Variants in PLA2G4A observed in about 807,000 individuals in gnomAD.
PLA2G4A encodes phospholipase A2 group IVA.
In PLA2G4A, 40 loss-of-function variants were observed where a neutral mutation model predicts 81.9. The ratio of observed to expected loss-of-function variants is 0.49; its 90% CI spans 0.38 to 0.64. The LOEUF is 0.64. PLA2G4A is among the 30% of genes least tolerant of loss of function. The pLI, the probability that PLA2G4A is intolerant of heterozygous loss-of-function variation, is 0.00. For synonymous variants in PLA2G4A, 302 were observed against 296.9 expected, an observed-to-expected ratio of 1.02 and a Z score of -0.18; for missense variants, 715 against 905.1, an observed-to-expected ratio of 0.79 and a Z score of 2.69.
In PLA2G4A at chr1:186,915,516, T is replaced by A. The variant is rs1655106082; in HGVS notation, c.558+4127T>A. Among the ~76,000 whole-genome samples, 9 of 152,308 alleles carry A rather than the reference T, an allele frequency of 5.9e-5. No homozygotes were observed. The South Asian group carries it at 1.9e-3, about 32-fold the overall frequency. ...TTATCTTTCTAATTTTTTATAGCTA[T>A]GCTTCTCTTTTCACGGAAAGCATAG... On this transcript the variant is annotated intron_variant, in intron 7 of 17. Coordinates refer to ENST00000367466, the MANE Select transcript of PLA2G4A (RefSeq NM_024420.3).
chr1:186,968,604 T>C (rs543524626), intron 15 of PLA2G4A, among the ~76,000 whole-genome samples: 43 of 151,950 alleles, frequency 2.8e-4, no homozygotes, highest in African/African-American at 9.1e-4. Flanking sequence ...TAAAAATATA[T>C]ACTATCTCTG....
intron 7 of PLA2G4A, among the ~76,000 whole-genome samples, chr1:186,924,556 C>T (rs1048681831): frequency 1.3e-5 from 2 of 152,084 alleles, no homozygotes; most frequent in African/African-American, 4.8e-5. Flanking sequence ...CCTAGGTCCT[C>T]TTTCTCCTCA....
intron 2 of PLA2G4A, among the ~76,000 whole-genome samples, chr1:186,860,367 G>C (rs1190701391): frequency 6.6e-6 from 1 of 152,128 alleles, no homozygotes; most frequent in Non-Finnish European, 1.5e-5. Context: ...CTGAGAACCA[G>C]GGGAGCTGAT....
chr1:186,908,956 T>C (rs1654835837), intron 6 of PLA2G4A, among the ~76,000 whole-genome samples: 1 of 138,124 alleles, frequency 7.2e-6, no homozygotes, highest in Non-Finnish European at 1.5e-5. Context: ...AGATTTTAAT[T>C]TCTTTTCTTT....
At chr1:186,938,318 A>C (rs1384405317) in intron 8 of PLA2G4A, among the ~76,000 whole-genome samples, 2 of 152,130 alleles carry the variant, frequency 1.3e-5, no homozygotes, top group Non-Finnish European at 2.9e-5. Context: ...TCTAGATATC[A>C]AATATCAAGG....
At chr1:186,864,628 A>G (rs1652945568) in intron 2 of PLA2G4A, among the ~76,000 whole-genome samples, 1 of 148,132 alleles carries the variant, frequency 6.8e-6, no homozygotes. Context: ...TAAGTCTTTT[A>G]CTTGTTTTAA....
chr1:186,889,532 G>A (rs767836948), intron 3 of PLA2G4A, among the ~76,000 whole-genome samples: 30 of 152,232 alleles, frequency 2.0e-4, no homozygotes, highest in African/African-American at 4.6e-4. Flanking sequence ...AGATCCTCCC[G>A]TTTTATAATA....
At chr1:186,922,221 C>G (rs571714685) in intron 7 of PLA2G4A, among the ~76,000 whole-genome samples, 130 of 152,240 alleles carry the variant, frequency 8.5e-4, no homozygotes, top group African/African-American at 3.0e-3. Context: ...ACAGTTTACA[C>G]CAAACCAGAA....
intron 1 of PLA2G4A, among the ~76,000 whole-genome samples, chr1:186,837,618 T>C (rs1340245794): frequency 1.3e-5 from 2 of 148,600 alleles, no homozygotes; most frequent in Non-Finnish European, 3.0e-5. Context: ...GCGCCTGTAG[T>C]CCCAGCTACT....
chr1:186,972,898 A>G (rs1042222815), intron 15 of PLA2G4A, among the ~76,000 whole-genome samples: 8 of 152,150 alleles, frequency 5.3e-5, no homozygotes, highest in Non-Finnish European at 1.0e-4. Flanking sequence ...TTTTTCCACA[A>G]TCACCTGATT....
chr1:186,976,993 C>T (rs1325841959), intron 15 of PLA2G4A, among the ~76,000 whole-genome samples: 1 of 152,190 alleles, frequency 6.6e-6, no homozygotes, highest in East Asian at 1.9e-4. Context: ...TTGCCACGAC[C>T]ATTAACTAAG....
chr1:186,898,264 T>TA (rs759053782), intron 5 of PLA2G4A, among the ~76,000 whole-genome samples: 2 of 152,128 alleles, frequency 1.3e-5, no homozygotes, highest in Non-Finnish European at 2.9e-5. Flanking sequence ...TGCTAAATAT[T>TA]AAAAAAACTG....
intron 5 of PLA2G4A, among the ~76,000 whole-genome samples, chr1:186,896,706 C>T (rs1654344241): frequency 1.3e-5 from 2 of 152,164 alleles, no homozygotes; most frequent in South Asian, 4.1e-4. Flanking sequence ...TTTCCACATT[C>T]CTGAATTTAA....
intron 3 of PLA2G4A, among the ~76,000 whole-genome samples, chr1:186,879,841 A>G (rs12143244): frequency 0.1 from 11,326 of 107,962 alleles, 539 homozygotes; most frequent in South Asian, 0.16. Context: ...TTATTTATAT[A>G]TATATTTTTT....
intron 8 of PLA2G4A, among the ~76,000 whole-genome samples, chr1:186,933,279 T>C (rs1166951582): frequency 2.0e-5 from 3 of 152,164 alleles, no homozygotes; most frequent in Non-Finnish European, 2.9e-5. Context: ...TAAGTCTACA[T>C]GATTCACTAC....
intron 5 of PLA2G4A, among the ~76,000 whole-genome samples, chr1:186,902,023 G>A (rs1654557564): frequency 6.6e-6 from 1 of 152,162 alleles, no homozygotes; most frequent in South Asian, 2.1e-4. Flanking sequence ...ACATCATAAA[G>A]TATGCTTACA....
chr1:186,890,854 A>AAT (rs1156515655), intron 3 of PLA2G4A, among the ~76,000 whole-genome samples: 4 of 150,612 alleles, frequency 2.7e-5, no homozygotes, highest in Non-Finnish European at 3.0e-5. Context: ...TCTGTCTCAA[A>AAT]AAAAAAAAAA....
At chr1:186,899,224 G>T (rs947111751) in intron 5 of PLA2G4A, among the ~76,000 whole-genome samples, 1 of 152,128 alleles carries the variant, frequency 6.6e-6, no homozygotes, top group Non-Finnish European at 1.5e-5. Context: ...AGGACAGAAG[G>T]CACTCCAAGT....
intron 2 of PLA2G4A, among the ~76,000 whole-genome samples, chr1:186,868,463 T>C (rs1653117715): frequency 2.0e-5 from 3 of 152,230 alleles, no homozygotes; most frequent in African/African-American, 7.2e-5. Flanking sequence ...ATGAGAAATA[T>C]TGGCTTGTAG....
Sources: gnomAD v4.1 joint callset for allele counts (sites outside exome capture counted in the v4.1 genomes callset) on GRCh38, gnomAD v4.1.1 for gene constraint, MANE v1.5 for transcripts, NCBI Gene and HGNC (gene_info 2026-07-23, HGNC 2026-07-21) for gene names.